Variants in MAD1L1 observed in about 807,000 individuals in gnomAD.
MAD1L1 encodes mitotic arrest deficient 1 like 1.
In MAD1L1, 95 loss-of-function variants were observed where a neutral mutation model predicts 96.9. The observed-to-expected ratio is 0.98, with a 90% CI of 0.83 to 1.16. The LOEUF is 1.16. Among genes scored for constraint, MAD1L1 ranks in the 50% most tolerant of loss-of-function variants. MAD1L1 has a pLI of 0.00. For synonymous variants in MAD1L1, 473 were observed against 396.6 expected (o/e 1.19, Z -2.29); for missense variants, 1,007 against 954.4 (o/e 1.06, Z -0.73).
chr7:1,887,274 C>T (rs1562490850), intron 18 of MAD1L1, among the ~76,000 whole-genome samples: 2 of 151,542 alleles, frequency 1.3e-5, no homozygotes, highest in African/African-American at 4.8e-5. Context: ...TGTGTGCATG[C>T]ATGTGTGTAT....
rs1263804826 is a variant in MAD1L1 at position 1,898,409 on chromosome 7, G to A, written c.1808-19C>T. 3 of 1,610,496 alleles carry A rather than the reference G, an allele frequency of 1.9e-6. No homozygotes were observed. The highest frequency in any genetic ancestry group is 2.2e-5 in the East Asian group (1 of 44,836). ...TTCAGCTCTGCGGGAGGGACGGAAG[G>A]AGACAGTGAGTGCGGCACCAGGCCG... On this transcript the variant is annotated intron_variant, in intron 17 of 18. Coordinates refer to ENST00000265854, the MANE Select transcript of MAD1L1 (RefSeq NM_001013836.2).
chr7:2,167,153 G>T (rs1790469041), intron 10 of MAD1L1, among the ~76,000 whole-genome samples: 1 of 152,210 alleles, frequency 6.6e-6, no homozygotes, highest in South Asian at 2.1e-4. Flanking sequence ...GGGCAACGGA[G>T]GTGCTGCTGC....
intron 11 of MAD1L1, among the ~76,000 whole-genome samples, chr7:2,099,668 C>A (rs528223466): frequency 6.6e-6 from 1 of 152,266 alleles, no homozygotes; most frequent in South Asian, 2.1e-4. Flanking sequence ...CTCTTCTCTT[C>A]AAAAAACCCA....
At chr7:2,002,143 G>T in intron 13 of MAD1L1, 22 bp from the exon 14 acceptor site, 1 of 1,611,534 alleles carries the variant, frequency 6.2e-7, no homozygotes, top group Non-Finnish European at 8.5e-7. Context: ...GACAGGATTC[G>T]GCCTGAGACT....
chr7:2,172,069 C>A (rs755212712), intron 10 of MAD1L1, among the ~76,000 whole-genome samples: 9 of 152,188 alleles, frequency 5.9e-5, no homozygotes, highest in Non-Finnish European at 1.2e-4. Context: ...ACCTCTCCTG[C>A]CTGTACTTCC....
chr7:2,177,993 T>A (rs770137527), intron 10 of MAD1L1, among the ~76,000 whole-genome samples: 1 of 152,178 alleles, frequency 6.6e-6, no homozygotes, highest in Non-Finnish European at 1.5e-5. Context: ...CAAGAAGCAA[T>A]GGTTTCATGA....
chr7:1,988,596 G>A (rs1303548434), intron 14 of MAD1L1, among the ~76,000 whole-genome samples: 2 of 152,198 alleles, frequency 1.3e-5, no homozygotes, highest in Non-Finnish European at 2.9e-5. Flanking sequence ...CTGTGAAGCA[G>A]CAGCACAGTC....
chr7:2,124,939 G>A (rs1262249898), intron 11 of MAD1L1, among the ~76,000 whole-genome samples: 1 of 152,192 alleles, frequency 6.6e-6, no homozygotes, highest in Non-Finnish European at 1.5e-5. Context: ...TCCAGCCCCA[G>A]GGCAGGAGAC....
chr7:1,901,859 C>CTGCCTAGATACCGGCCCTCCTCGG (rs2128444066), intron 17 of MAD1L1, among the ~76,000 whole-genome samples: 1 of 152,338 alleles, frequency 6.6e-6, no homozygotes, highest in Non-Finnish European at 1.5e-5. Context: ...CAACTCCCCT[C>CTGCCTAGATACCGGCCCTCCTCGG]TGCCTAGATA....
intron 17 of MAD1L1, among the ~76,000 whole-genome samples, chr7:1,932,556 G>A (rs774983891): frequency 2.0e-5 from 3 of 152,274 alleles, no homozygotes; most frequent in African/African-American, 4.8e-5. Flanking sequence ...CGGAGGTGCT[G>A]CTGCTAGGAA....
Position 2,136,375 on chromosome 7 carries a change from G to A in MAD1L1, c.1073+12777C>T, listed in dbSNP as rs191339318. On this transcript the variant is annotated intron_variant, in intron 11 of 18. Transcript: ENST00000265854. ...AACCTTGGGGAAACTGGGGCAAAGC[G>A]AGAGGCTCCCCGCCAGCAGGCAGGA... is the stretch of plus-strand genomic sequence containing the variant. Among the ~76,000 whole-genome samples, 126 of 152,318 alleles carry A rather than the reference G, an allele frequency of 8.3e-4. 1 individual carries two copies. The highest frequency in any genetic ancestry group is 3.4e-3 in the Middle Eastern group (1 of 294).
At chr7:1,915,459 G>A (rs1371199562) in intron 17 of MAD1L1, among the ~76,000 whole-genome samples, 1 of 152,176 alleles carries the variant, frequency 6.6e-6, no homozygotes, top group African/African-American at 2.4e-5. Flanking sequence ...AGGCAGAGGT[G>A]CTGAGGACGG....
intron 10 of MAD1L1, among the ~76,000 whole-genome samples, chr7:2,170,218 G>C (rs1790646958): frequency 6.6e-6 from 1 of 152,146 alleles, no homozygotes; most frequent in Non-Finnish European, 1.5e-5. Context: ...GAGGAAAGAA[G>C]GCAGCCCTGC....
At chr7:1,833,221 AT>A (rs1782793431) in intron 18 of MAD1L1, among the ~76,000 whole-genome samples, 1 of 152,254 alleles carries the variant, frequency 6.6e-6, no homozygotes, top group Non-Finnish European at 1.5e-5. Context: ...CACTTGCTTT[AT>A]TGTGATATTG....
chr7:1,908,575 T>G (rs546504358), intron 17 of MAD1L1, among the ~76,000 whole-genome samples: 4 of 152,136 alleles, frequency 2.6e-5, no homozygotes, highest in Non-Finnish European at 5.9e-5. Context: ...GGTCTTTCTA[T>G]GTTGCCCAGG....
intron 15 of MAD1L1, among the ~76,000 whole-genome samples, chr7:1,959,361 G>T (rs915305588): frequency 1.2e-4 from 19 of 152,184 alleles, no homozygotes; most frequent in African/African-American, 4.6e-4. Context: ...ATGAACGAGA[G>T]TCCCCAAAAG....
chr7:2,218,116 C>G, intron 6 of MAD1L1, 73 bp from the exon 7 acceptor site: 1 of 1,160,620 alleles, frequency 8.6e-7, no homozygotes, highest in Non-Finnish European at 1.3e-6. Context: ...CAGCCTGAGA[C>G]CCGCCCCAGC....
chr7:1,935,399 C>T (rs534919295), intron 17 of MAD1L1, among the ~76,000 whole-genome samples: 1 of 152,206 alleles, frequency 6.6e-6, no homozygotes, highest in Non-Finnish European at 1.5e-5. Flanking sequence ...CACAGGCCCC[C>T]CCTTCTGGCT....
intron 11 of MAD1L1, among the ~76,000 whole-genome samples, chr7:2,101,753 T>C (rs1466059754): frequency 6.6e-6 from 1 of 152,160 alleles, no homozygotes; most frequent in Non-Finnish European, 1.5e-5. Flanking sequence ...ACCGGCTCCA[T>C]GCTCACCAAA....
Sources: gnomAD v4.1 joint callset for allele counts (sites outside exome capture counted in the v4.1 genomes callset) on GRCh38, gnomAD v4.1.1 for gene constraint, MANE v1.5 for transcripts, NCBI Gene and HGNC (gene_info 2026-07-23, HGNC 2026-07-21) for gene names.